The following CEP192 variants were observed in gnomAD, a reference collection of about 807,000 sequenced individuals.
CEP192 encodes the protein centrosomal protein 192, also known as centrosomal protein of 192 kDa.
Under a neutral mutation model 271.8 loss-of-function variants are expected in CEP192, and 151 were observed. The observed-to-expected ratio is 0.56, with a 90% CI of 0.49 to 0.64. The LOEUF (loss-of-function observed/expected upper bound fraction) is 0.64, where lower values mean the gene tolerates loss of function less well. CEP192 is among the 30% of genes least tolerant of loss of function. CEP192 has a pLI of 0.00. For missense variants in CEP192, 2,910 were observed against 3,020.5 expected, an observed-to-expected ratio of 0.96 and a Z score of 0.86; for synonymous variants, 995 against 1,076.5, an observed-to-expected ratio of 0.92 and a Z score of 1.48.
intron 21 of CEP192, among the ~76,000 whole-genome samples, chr18:13,060,863 A>G (rs1390240922): frequency 1.3e-5 from 2 of 152,126 alleles, no homozygotes; most frequent in Non-Finnish European, 2.9e-5. Flanking sequence ...GTTTGAGGCT[A>G]TAGTGAACTA....
intron 37 of CEP192, among the ~76,000 whole-genome samples, chr18:13,099,961 T>C (rs538985883): frequency 6.6e-6 from 1 of 152,334 alleles, no homozygotes; most frequent in South Asian, 2.1e-4. Context: ...ATCTCCCCCA[T>C]GGATACCGAG....
rs749060570 is a variant in CEP192 at position 13,124,821 on chromosome 18, C to CT, written c.*54dup. On this transcript the variant is annotated 3_prime_UTR_variant, in exon 45 of 45. Coordinates refer to ENST00000506447, the MANE Select transcript of CEP192 (RefSeq NM_032142.4). Reference sequence around the variant, plus strand: ...AATTACATAAGTTGTATTTTGTTAACTTTATCTTTCTACACTACAATTATG... The same window carrying CT: ...AATTACATAAGTTGTATTTTGTTAACTTTTATCTTTCTACACTACAATTATG... The CT allele has an allele frequency of 7.4e-7, 1 of 1,352,922 alleles. No individual in the cohort carries two copies. The highest frequency in any genetic ancestry group is 1.0e-6 in the Non-Finnish European group (1 of 965,858). The allele number at this position is 1,352,922 out of a possible 1,614,324, so 83.8% of individuals were successfully genotyped here.
At chr18:13,087,678 C>T in intron 32 of CEP192, 32 bp downstream of exon 32, 2 of 1,142,102 alleles carry the variant, frequency 1.8e-6, no homozygotes, top group South Asian at 1.6e-5. Flanking sequence ...ATGTTGGGAA[C>T]CATTCAGCAG....
At chr18:13,118,715 G>A (rs1202796828) in intron 44 of CEP192, among the ~76,000 whole-genome samples, 1 of 152,204 alleles carries the variant, frequency 6.6e-6, no homozygotes, top group Non-Finnish European at 1.5e-5. Flanking sequence ...GGAGATGCCA[G>A]TGCTAGCTAC....
At chr18:13,022,698 C>G (rs924497005) in intron 9 of CEP192, among the ~76,000 whole-genome samples, 2 of 152,104 alleles carry the variant, frequency 1.3e-5, no homozygotes, top group African/African-American at 4.8e-5. Flanking sequence ...TCTTTAGAAT[C>G]AGTTTGTCAG....
intron 30 of CEP192, among the ~76,000 whole-genome samples, chr18:13,084,820 C>CTT (rs75187893): frequency 1.9e-4 from 28 of 146,292 alleles, no homozygotes; most frequent in Middle Eastern, 3.2e-3. Flanking sequence ...TTTTGATTTC[C>CTT]TTTTTTTTTT....
At position 13,019,149 on chromosome 18, in the gene CEP192, T is replaced by C. The variant is rs962600742; in HGVS notation, c.993T>C (p.Thr331=). 7 of 1,545,962 alleles carry C rather than the reference T, an allele frequency of 4.5e-6. No homozygotes were observed. The highest frequency in any genetic ancestry group is 1.4e-5 in the African/African-American group (1 of 72,828). The part of the protein sequence containing the change: ...TDGMLPFSSG[T]WGTEKEIENL... ...GTATGTTACCATTTTCCTCTGGTAC[T>C]TGGGGAACTGAGAAAGAAATAGAAA... Residue 331 remains threonine (T), a synonymous_variant, in exon 9 of 45, where the codon ACT becomes ACC. Coordinates refer to ENST00000506447, the MANE Select transcript of CEP192 (RefSeq NM_032142.4).
At chr18:13,105,148 C>T (rs572204191) in intron 40 of CEP192, 69 bp downstream of exon 40, 3 of 1,075,804 alleles carry the variant, frequency 2.8e-6, no homozygotes, top group Non-Finnish European at 1.4e-6. Flanking sequence ...TTGGATTCCA[C>T]CCATTTAGCT....
intron 1 of CEP192, among the ~76,000 whole-genome samples, chr18:12,993,886 A>C (rs537069724): frequency 6.6e-6 from 1 of 152,322 alleles, no homozygotes; most frequent in African/African-American, 2.4e-5. Flanking sequence ...GGGGTTATAG[A>C]TTCTTTCTTA....
Position 13,057,600 on chromosome 18 carries a change from C to T in CEP192, c.4124C>T (p.Pro1375Leu). 6.2e-7 allele frequency: 1 copy of T among 1,614,050 alleles called. No individual in the cohort carries two copies. The highest frequency in any genetic ancestry group is 8.5e-7 in the Non-Finnish European group (1 of 1,179,972). ...VTSGLGSVRV[P>L]EELKLPHACC... ...TCTCACCCAGGGAGTGTCCGAGTGC[C>T]CGAGGAGTTGAAGCTTCCTCATGCT... is the stretch of plus-strand genomic sequence containing the variant. The change falls in exon 20 of 45, where the codon CCC becomes CTC. Residue 1375 changes from proline (P) to leucine (L), a missense_variant. Coordinates refer to ENST00000506447, the MANE Select transcript of CEP192 (RefSeq NM_032142.4).
chr18:12,993,350 T>A (rs2032998984), intron 1 of CEP192, among the ~76,000 whole-genome samples: 2 of 152,138 alleles, frequency 1.3e-5, no homozygotes, highest in Non-Finnish European at 2.9e-5. Flanking sequence ...GTATGGTCGT[T>A]CCCTCAGGTT....
At chr18:13,066,163 C>G (rs1049238678) in intron 21 of CEP192, among the ~76,000 whole-genome samples, 1 of 152,184 alleles carries the variant, frequency 6.6e-6, no homozygotes, top group African/African-American at 2.4e-5. Context: ...CTTTTCCTTC[C>G]ATATTACCTT....
At chr18:13,113,559 A>C (rs937631917) in intron 40 of CEP192, 27 bp from the exon 41 acceptor site, 2 of 1,608,752 alleles carry the variant, frequency 1.2e-6, no homozygotes, top group African/African-American at 1.3e-5. Flanking sequence ...TCAGTGTCTA[A>C]ATTTCTCTTC....
intron 4 of CEP192, among the ~76,000 whole-genome samples, chr18:13,011,208 C>CAG (rs1156281063): frequency 7.3e-6 from 1 of 136,780 alleles, no homozygotes; most frequent in Non-Finnish European, 1.5e-5. Flanking sequence ...GCCTGGGTGA[C>CAG]AGAGAGAGAC....
At chr18:13,115,917 G>A (rs529174891) in intron 42 of CEP192, among the ~76,000 whole-genome samples, 6 of 152,254 alleles carry the variant, frequency 3.9e-5, no homozygotes, top group Middle Eastern at 3.4e-3. Context: ...GCAGAGACCC[G>A]GGAGTGGCCG....
intron 11 of CEP192, 106 bp from the exon 12 acceptor site, chr18:13,037,131 G>A (rs951625136): frequency 4.8e-6 from 3 of 628,480 alleles, no homozygotes; most frequent in Admixed American, 3.0e-5. Flanking sequence ...TTACATACTT[G>A]TTACAACTTT....
intron 40 of CEP192, among the ~76,000 whole-genome samples, chr18:13,109,044 G>T (rs1358619489): frequency 2.6e-5 from 4 of 152,154 alleles, no homozygotes; most frequent in African/African-American, 9.7e-5. Flanking sequence ...CCCACTACTG[G>T]ATATATACCC....
At chr18:13,055,156 G>A (rs922771403) in intron 18 of CEP192, among the ~76,000 whole-genome samples, 3 of 152,050 alleles carry the variant, frequency 2.0e-5, no homozygotes, top group Admixed American at 2.0e-4. Context: ...GCGGGTGCCT[G>A]TAATCCCAGC....
chr18:13,047,899 C>CT (rs1330503692), intron 15 of CEP192, among the ~76,000 whole-genome samples: 5 of 152,094 alleles, frequency 3.3e-5, no homozygotes, highest in Non-Finnish European at 7.4e-5. Flanking sequence ...AAATTATTAT[C>CT]TGATTCAATT....
Sources: gnomAD v4.1 joint callset for allele counts (sites outside exome capture counted in the v4.1 genomes callset) on GRCh38, gnomAD v4.1.1 for gene constraint, MANE v1.5 for transcripts, NCBI Gene and HGNC (gene_info 2026-07-23, HGNC 2026-07-21) for gene names.